The following CDH13 variants were observed in gnomAD, a reference collection of about 807,000 sequenced individuals.
CDH13 encodes the protein cadherin 13, also known as cadherin-13.
CDH13 carries 24 observed loss-of-function variants against 63.8 expected under a neutral mutation model. The ratio of observed to expected loss-of-function variants is 0.38; its 90% CI spans 0.27 to 0.53. CDH13 has a LOEUF of 0.53. Ranked by LOEUF, CDH13 falls within the 20% of genes least tolerant of loss-of-function variation. The pLI is 0.85. For missense variants in CDH13, 1,049 were observed against 903.1 expected (o/e 1.16, Z -2.07); for synonymous variants, 503 against 355.3 (o/e 1.42, Z -4.67).
chr16:82,897,068 C>A (rs2041296358), intron 2 of CDH13, among the ~76,000 whole-genome samples: 1 of 152,052 alleles, frequency 6.6e-6, no homozygotes, highest in Admixed American at 6.6e-5. Context: ...GCATGAGCCA[C>A]CGTGCCCTGC....
intron 1 of CDH13, among the ~76,000 whole-genome samples, chr16:82,729,448 G>A (rs1312554178): frequency 6.6e-6 from 1 of 152,104 alleles, no homozygotes; most frequent in East Asian, 1.9e-4. Flanking sequence ...GCTCTTGGGT[G>A]ACCAGCTGCA....
chr16:83,380,691 C>T (rs1411089972), intron 6 of CDH13, among the ~76,000 whole-genome samples: 3 of 152,292 alleles, frequency 2.0e-5, no homozygotes, highest in East Asian at 3.9e-4. Context: ...CCAGCCTTCA[C>T]CTCCATATTC....
chr16:83,014,087 A>G (rs1238312560), intron 2 of CDH13, among the ~76,000 whole-genome samples: 2 of 146,254 alleles, frequency 1.4e-5, no homozygotes, highest in African/African-American at 4.8e-5. Context: ...AGCAAAAAGA[A>G]CAAGTAATGA....
Position 83,217,346 on chromosome 16 carries a change from T to C in CDH13, c.485T>C (p.Val162Ala), listed in dbSNP as rs753189283. ...RQPFPRDVGK[V>A]VDSDRPERSK... ...ATGTCTCTCTGTTTTTCTGACTAGG[T>C]AGTCGATAGTGACAGGCCAGAAAGG... Residue 162 changes from valine to alanine, a missense_variant and splice_region_variant, in exon 5 of 14, where the codon GTA (valine) becomes GCA (alanine). Physicochemically the swap from Val to Ala is moderately conservative, Grantham distance 64. Coordinates refer to ENST00000567109, the MANE Select transcript of CDH13 (RefSeq NM_001257.5). 3 of 1,613,744 alleles carry C rather than the reference T, an allele frequency of 1.9e-6. No homozygotes were observed. In the African/African-American group the frequency reaches 4.0e-5, roughly 22 times the overall value.
chr16:83,565,107 C>T (rs2075770174), intron 7 of CDH13, among the ~76,000 whole-genome samples: 1 of 152,164 alleles, frequency 6.6e-6, no homozygotes, highest in African/African-American at 2.4e-5. Context: ...GTCTGTGGGT[C>T]CTCTTTCATG....
At chr16:83,792,173 G>C (rs755714459) in intron 13 of CDH13, among the ~76,000 whole-genome samples, 2 of 152,238 alleles carry the variant, frequency 1.3e-5, no homozygotes, top group Non-Finnish European at 2.9e-5. Context: ...GGCTGTCTTC[G>C]GCCTGCAGAC....
intron 7 of CDH13, among the ~76,000 whole-genome samples, chr16:83,548,846 C>T (rs1296772751): frequency 6.6e-6 from 1 of 152,082 alleles, no homozygotes. Context: ...ACCTATGATC[C>T]TTGCATTAGA....
intron 6 of CDH13, among the ~76,000 whole-genome samples, chr16:83,348,273 G>A (rs903899841): frequency 4.6e-5 from 7 of 152,180 alleles, no homozygotes; most frequent in African/African-American, 7.2e-5. Context: ...CTCTTTGCAG[G>A]CCCAGCTGGG....
At chr16:83,174,405 C>T (rs2038042002) in intron 4 of CDH13, among the ~76,000 whole-genome samples, 1 of 151,750 alleles carries the variant, frequency 6.6e-6, no homozygotes, top group Admixed American at 6.6e-5. Flanking sequence ...TTATCTTGAC[C>T]AATGTTTCAG....
intron 2 of CDH13, among the ~76,000 whole-genome samples, chr16:82,996,559 A>G (rs546981006): frequency 6.6e-6 from 1 of 152,262 alleles, no homozygotes; most frequent in Admixed American, 6.5e-5. Context: ...TGAAATCAGC[A>G]AAAACATTAA....
intron 10 of CDH13, among the ~76,000 whole-genome samples, chr16:83,744,170 A>T (rs1912342006): frequency 6.6e-6 from 1 of 152,118 alleles, no homozygotes; most frequent in Non-Finnish European, 1.5e-5. Flanking sequence ...ACTTTTACCT[A>T]TCCTGACACC....
chr16:83,230,552 G>A (rs979890795), intron 5 of CDH13, among the ~76,000 whole-genome samples: 1 of 152,192 alleles, frequency 6.6e-6, no homozygotes, highest in East Asian at 1.9e-4. Flanking sequence ...TTGGGAGGCC[G>A]AGGCTGGAAG....
chr16:83,595,455 A>G (rs997717212), intron 7 of CDH13, among the ~76,000 whole-genome samples: 1 of 152,244 alleles, frequency 6.6e-6, no homozygotes, highest in African/African-American at 2.4e-5. Context: ...GGCATTCAAA[A>G]TAAAGCAAAA....
At chr16:83,563,762 C>G (rs1023410404) in intron 7 of CDH13, among the ~76,000 whole-genome samples, 7 of 152,134 alleles carry the variant, frequency 4.6e-5, no homozygotes, top group African/African-American at 7.2e-5. Flanking sequence ...TCTCCCCAAA[C>G]CAAAGCCTCC....
chr16:82,889,011 C>A (rs2040985907), intron 2 of CDH13, among the ~76,000 whole-genome samples: 2 of 152,136 alleles, frequency 1.3e-5, no homozygotes, highest in Admixed American at 6.5e-5. Flanking sequence ...TTATTTACTT[C>A]CCTGGGCTAT....
At chr16:82,744,996 A>G (rs2034096549) in intron 1 of CDH13, among the ~76,000 whole-genome samples, 1 of 152,186 alleles carries the variant, frequency 6.6e-6, no homozygotes. Flanking sequence ...CTTTTCCAGT[A>G]CGGAGAGCGG....
intron 6 of CDH13, among the ~76,000 whole-genome samples, chr16:83,470,231 C>CA (rs1555554342): frequency 6.6e-6 from 1 of 152,018 alleles, no homozygotes; most frequent in Non-Finnish European, 1.5e-5. Flanking sequence ...TAGATTTTTG[C>CA]TTTTTTTAGA....
intron 2 of CDH13, among the ~76,000 whole-genome samples, chr16:82,870,935 A>C (rs1389341551): frequency 6.6e-6 from 1 of 151,106 alleles, no homozygotes; most frequent in Non-Finnish European, 1.5e-5. Flanking sequence ...TCTTTCTGAT[A>C]TCCAGTAGGC....
At chr16:83,460,665 A>T (rs1007254462) in intron 6 of CDH13, among the ~76,000 whole-genome samples, 17 of 152,170 alleles carry the variant, frequency 1.1e-4, no homozygotes, top group Admixed American at 6.6e-5. Context: ...GATAAGAAGT[A>T]AAACTATGAA....
Sources: gnomAD v4.1 joint callset for allele counts (sites outside exome capture counted in the v4.1 genomes callset) on GRCh38, gnomAD v4.1.1 for gene constraint, MANE v1.5 for transcripts, NCBI Gene and HGNC (gene_info 2026-07-23, HGNC 2026-07-21) for gene names.